Variants in CFAP61 observed in about 807,000 individuals in gnomAD.
CFAP61 encodes cilia and flagella associated protein 61.
Under a neutral mutation model 135.6 loss-of-function variants are expected in CFAP61, and 107 were observed. The observed-to-expected ratio is 0.79, with a 90% CI of 0.67 to 0.93. The LOEUF is 0.93. CFAP61 is among the 40% of genes least tolerant of loss of function. CFAP61 has a pLI of 0.00. For synonymous variants in CFAP61, 575 were observed against 578.5 expected (o/e 0.99, Z 0.09); for missense variants, 1,507 against 1,556.2 (o/e 0.97, Z 0.53).
At chr20:20,061,240 G>A (rs1344195212) in intron 2 of CFAP61, among the ~76,000 whole-genome samples, 2 of 151,984 alleles carry the variant, frequency 1.3e-5, no homozygotes, top group Non-Finnish European at 2.9e-5. Flanking sequence ...ATCTAAAAGA[G>A]GACAAGACAG....
At chr20:20,235,979 C>G (rs2049559374) in intron 18 of CFAP61, among the ~76,000 whole-genome samples, 1 of 152,022 alleles carries the variant, frequency 6.6e-6, no homozygotes, top group Non-Finnish European at 1.5e-5. Context: ...GAAGATAATG[C>G]CTTTCAAACA....
At chr20:20,283,069 C>T (rs1335079782) in intron 22 of CFAP61, among the ~76,000 whole-genome samples, 3 of 152,024 alleles carry the variant, frequency 2.0e-5, no homozygotes, top group South Asian at 2.1e-4. Flanking sequence ...ATATGGTTGA[C>T]GGTGATGTTC....
Position 20,158,064 on chromosome 20 carries a change from G to A in CFAP61, c.952-1306G>A, listed in dbSNP as rs1401015291. Among the ~76,000 whole-genome samples, 6 of 150,666 alleles carry A rather than the reference G, an allele frequency of 4.0e-5. No individual in the cohort carries two copies. In the East Asian group the frequency reaches 6.2e-4, roughly 16 times the overall value. The stretch of plus-strand genomic sequence containing the variant: ...AATGAGATCACATGGACACAGGAAG[G>A]GGAATATCACACTCTGGGGACTGTG... On this transcript the variant is annotated intron_variant, in intron 9 of 26. Transcript: ENST00000245957.
intron 7 of CFAP61, among the ~76,000 whole-genome samples, chr20:20,096,168 G>T (rs1473060446): frequency 3.3e-5 from 5 of 151,640 alleles, no homozygotes; most frequent in Admixed American, 6.6e-5. Context: ...TTTTTTTTCA[G>T]TGCATACACA....
intron 18 of CFAP61, among the ~76,000 whole-genome samples, chr20:20,229,983 C>T (rs552093394): frequency 6.6e-5 from 10 of 152,166 alleles, no homozygotes; most frequent in Admixed American, 3.3e-4. Context: ...CAACCATTTT[C>T]GAATGATGAA....
At chr20:20,206,723 GCA>G (rs2056870963) in intron 17 of CFAP61, among the ~76,000 whole-genome samples, 1 of 151,698 alleles carries the variant, frequency 6.6e-6, no homozygotes, top group Non-Finnish European at 1.5e-5. Context: ...ATGAAAATTT[GCA>G]CACAGGTTTT....
intron 3 of CFAP61, among the ~76,000 whole-genome samples, chr20:20,071,310 C>T (rs567843825): frequency 9.2e-5 from 14 of 152,224 alleles, no homozygotes; most frequent in African/African-American, 3.1e-4. Context: ...GTTCTCCAGG[C>T]GTCAGTGTCC....
intron 22 of CFAP61, among the ~76,000 whole-genome samples, chr20:20,281,485 T>C (rs556478658): frequency 1.3e-5 from 2 of 152,330 alleles, no homozygotes; most frequent in South Asian, 4.1e-4. Context: ...TAAGTGAATT[T>C]TCCATATTTC....
Position 20,232,389 on chromosome 20 carries a change from A to AG in CFAP61, c.2060+4013_2060+4014insG, listed in dbSNP as rs1481805075. Among the ~76,000 whole-genome samples the AG allele has an allele frequency of 8.6e-3, 1,305 of 151,774 alleles. 20 individuals are homozygous for AG. Among genetic ancestry groups the AG allele is most frequent in the African/African-American group, 0.03 (1,250 of 41,092 alleles). On this transcript the variant is annotated intron_variant, in intron 18 of 26. Transcript: ENST00000245957. ...AAATGCTATAGCAAAATAGAAAAAAAAAAGAAGAAGAAGAAGAAGAGAAGG... is the reference window on the plus strand; with the variant it reads ...AAATGCTATAGCAAAATAGAAAAAAAGAAAGAAGAAGAAGAAGAAGAGAAGG...
intron 11 of CFAP61, among the ~76,000 whole-genome samples, chr20:20,164,823 A>G (rs2053690002): frequency 1.3e-5 from 2 of 152,206 alleles, no homozygotes; most frequent in Non-Finnish European, 1.5e-5. Context: ...TAATGAACTC[A>G]CAGTTCCACG....
At chr20:20,146,788 G>A (rs1460545857) in intron 9 of CFAP61, among the ~76,000 whole-genome samples, 1 of 152,086 alleles carries the variant, frequency 6.6e-6, no homozygotes, top group African/African-American at 2.4e-5. Flanking sequence ...ATAGTTTTGG[G>A]GCTAAAGTGG....
intron 2 of CFAP61, among the ~76,000 whole-genome samples, chr20:20,066,740 G>GTGCAGCAAACCACAATGGCACGTGTATA (rs1168429333): frequency 5.9e-5 from 9 of 152,124 alleles, no homozygotes; most frequent in Non-Finnish European, 1.0e-4. Context: ...GGGTTGATGG[G>GTGCAGCAAACCACAATGGCACGTGTATA]TGCAGCAAAC....
intron 3 of CFAP61, among the ~76,000 whole-genome samples, chr20:20,072,438 C>G (rs1166802472): frequency 1.3e-5 from 2 of 152,142 alleles, no homozygotes; most frequent in Non-Finnish European, 2.9e-5. Context: ...TTATTCTTTC[C>G]TTTTCCTAGT....
intron 21 of CFAP61, among the ~76,000 whole-genome samples, chr20:20,273,411 A>T (rs140295583): frequency 6.6e-6 from 1 of 152,210 alleles, no homozygotes; most frequent in Non-Finnish European, 1.5e-5. Flanking sequence ...TCAGGTGTAT[A>T]GCCCATTCTG....
In CFAP61 at chr20:20,360,464, C is replaced by T. The variant is rs1679362493; in HGVS notation, c.*54C>T. 7 of 1,525,416 alleles carry T rather than the reference C, an allele frequency of 4.6e-6. No homozygotes were observed. Among genetic ancestry groups the T allele is most frequent in the East Asian group, 2.3e-5 (1 of 44,410 alleles). The allele number at this position is 1,525,416 out of a possible 1,614,324, so 94.5% of individuals were successfully genotyped here. A position where few individuals can be genotyped will look rare whatever the true frequency, so the allele number is the denominator to read the frequency against. ...TTCATTTATTTAGTTCCTGGAAACG[C>T]GCTCTGTAGAAATAGAAAAGTTCTC... On this transcript the variant is annotated 3_prime_UTR_variant, in exon 27 of 27. Coordinates refer to ENST00000245957, the MANE Select transcript of CFAP61 (RefSeq NM_015585.4).
At chr20:20,118,588 G>A (rs1298698411) in intron 8 of CFAP61, among the ~76,000 whole-genome samples, 6 of 151,914 alleles carry the variant, frequency 3.9e-5, no homozygotes, top group African/African-American at 9.7e-5. Flanking sequence ...TGATCTGCCC[G>A]CCTTGGCTTC....
At chr20:20,242,105 A>C (rs77196900) in intron 18 of CFAP61, among the ~76,000 whole-genome samples, 2,148 of 152,288 alleles carry the variant, frequency 0.014, 55 homozygotes, top group African/African-American at 0.049. Context: ...CATCACCAAA[A>C]GTCTCCTGCT....
rs1602203048 is a variant in CFAP61, at chr20:20,359,119, A to C, written c.3514-1091A>C. ...CTTCAACTTGTCTCTGAAAATTTTT[A>C]TAATGAAATGTTAGGAAAATCTCTA... On this transcript the variant is annotated intron_variant, in intron 26 of 26. Transcript: ENST00000245957. The surrounding 1 kb of genome is among the most constrained non-coding windows in gnomAD (Gnocchi z 4.0). Among the ~76,000 whole-genome samples the C allele has an allele frequency of 2.0e-5, 3 of 152,336 alleles. No individual in the cohort carries two copies. Among genetic ancestry groups the C allele is most frequent in the African/African-American group, 7.2e-5 (3 of 41,568 alleles).
chr20:20,253,538 C>A (rs1044897353), intron 20 of CFAP61: 11 of 476,328 alleles, frequency 2.3e-5, no homozygotes, highest in Admixed American at 4.3e-5. Flanking sequence ...TACATGTAAA[C>A]CCTTACGTTC....
Sources: gnomAD v4.1 joint callset for allele counts (sites outside exome capture counted in the v4.1 genomes callset) on GRCh38, gnomAD v4.1.1 for gene constraint, Gnocchi (gnomAD v3.1) non-coding constraint, MANE v1.5 for transcripts, NCBI Gene and HGNC (gene_info 2026-07-23, HGNC 2026-07-21) for gene names.